The following MCF2L variants were observed in gnomAD, a reference collection of about 807,000 sequenced individuals.
The protein encoded by MCF2L is MCF.2 cell line derived transforming sequence like, also known as guanine nucleotide exchange factor DBS.
Under a neutral mutation model 153.4 loss-of-function variants are expected in MCF2L, and 97 were observed. That is an observed-to-expected ratio of 0.63 (90% confidence interval 0.54 to 0.75). MCF2L has a LOEUF of 0.75. Among genes scored for constraint, MCF2L ranks in the 30% least tolerant of loss-of-function variants. MCF2L has a pLI of 0.00. For missense variants in MCF2L, 1,347 were observed against 1,495.2 expected (o/e 0.90, Z 1.64); for synonymous variants, 659 against 632.2 (o/e 1.04, Z -0.64).
At chr13:113,009,353 C>T (rs1450408898) in intron 1 of MCF2L, 1 of 152,264 alleles carries the variant, frequency 6.6e-6, no homozygotes, top group African/African-American at 2.4e-5. Context: ...ATTTAAGTCA[C>T]TGTGTATGTG....
intron 3 of MCF2L, among the ~76,000 whole-genome samples, chr13:113,033,190 C>G (rs2085857643): frequency 7.1e-6 from 1 of 140,096 alleles, no homozygotes; most frequent in Non-Finnish European, 1.5e-5. Context: ...CGTGAGTGGA[C>G]CCCGTGACGT....
rs903545065 is a variant in MCF2L, at chr13:113,069,990, A to T, written c.882-69A>T. ...AGATGAGCCTTGGGGTCGCTTGAAC[A>T]CCCACCGCGCTCCACGTTGCATGGG... On this transcript the variant is annotated intron_variant, in intron 8 of 29. Transcript: ENST00000535094. The T allele has an allele frequency of 2.5e-4, 268 of 1,072,138 alleles. 1 individual carries two copies. The highest frequency in any genetic ancestry group is 2.5e-4 in the Non-Finnish European group (180 of 720,536). 66.4% of individuals were successfully genotyped at this position (1,072,138 alleles called of 1,614,324 possible).
intron 3 of MCF2L, chr13:113,026,927 C>T (rs555737287): frequency 1.2e-5 from 9 of 773,062 alleles, no homozygotes; most frequent in African/African-American, 6.8e-5. Flanking sequence ...GGAGGGGTGC[C>T]GCGGGGGTCT....
intron 1 of MCF2L, among the ~76,000 whole-genome samples, chr13:113,005,767 A>ACAGT (rs1289562924): frequency 6.6e-6 from 1 of 152,206 alleles, no homozygotes; most frequent in African/African-American, 2.4e-5. Flanking sequence ...GTGGGAGGTG[A>ACAGT]CAGTCAGTCA....
In MCF2L at chr13:113,045,384, C is replaced by T; in HGVS notation, c.369+23C>T. 6.3e-7 allele frequency: 1 copy of T among 1,599,316 alleles called. No homozygotes were observed. Among genetic ancestry groups the T allele is most frequent in the South Asian group, 1.1e-5 (1 of 90,800 alleles). Reference sequence around the variant, plus strand: ...GCAGTAAGTGCCACCCGGGGCTCTGCCCTGCGCCCGGCCCCTCCCTGGGCT... The same window carrying T: ...GCAGTAAGTGCCACCCGGGGCTCTGTCCTGCGCCCGGCCCCTCCCTGGGCT... On this transcript the variant is annotated intron_variant, in intron 4 of 29. Transcript: ENST00000535094. This position sits in a 1 kb window ranked among gnomAD's most constrained non-coding sequence, Gnocchi z 4.2.
At chr13:113,015,472 G>A (rs28405732) in intron 2 of MCF2L, among the ~76,000 whole-genome samples, 43,093 of 151,928 alleles carry the variant, frequency 0.28, 6,616 homozygotes, top group South Asian at 0.46. Context: ...CCCCGATGCC[G>A]AGGAGGGTGC....
intron 2 of MCF2L, among the ~76,000 whole-genome samples, chr13:112,920,541 C>T (rs761329315): frequency 5.3e-5 from 8 of 152,084 alleles, no homozygotes; most frequent in Non-Finnish European, 8.8e-5. Flanking sequence ...GACCCCAGAA[C>T]GCAGGACAGG....
At chr13:113,094,691 G>A (rs2035502254) in intron 27 of MCF2L, 56 bp downstream of exon 27, 1 of 1,564,928 alleles carries the variant, frequency 6.4e-7, no homozygotes, top group Non-Finnish European at 8.6e-7. Context: ...CGGGGATTAG[G>A]GGTGCTTCTG....
chr13:112,959,619 A>G (rs894859938), intron 2 of MCF2L, among the ~76,000 whole-genome samples: 7 of 152,180 alleles, frequency 4.6e-5, no homozygotes, highest in African/African-American at 1.4e-4. Flanking sequence ...CCATGTTTCC[A>G]TGCGTTTGAC....
At chr13:112,999,351 G>A (rs969316430) in intron 1 of MCF2L, among the ~76,000 whole-genome samples, 1 of 147,950 alleles carries the variant, frequency 6.8e-6, no homozygotes, top group Non-Finnish European at 1.5e-5. Context: ...GATTTCTCGG[G>A]GTCCTTGCAT....
chr13:112,920,403 G>T (rs74616802), intron 2 of MCF2L, among the ~76,000 whole-genome samples: 115 of 152,254 alleles, frequency 7.6e-4, no homozygotes, highest in Non-Finnish European at 1.4e-3. Flanking sequence ...GCGTGTTTGT[G>T]ATCAGTTATC....
Position 113,028,329 on chromosome 13 carries a change from G to A in MCF2L, c.278+3571G>A, listed in dbSNP as rs1179825388. 6.6e-6 allele frequency among the ~76,000 whole-genome samples: 1 copy of A among 152,126 alleles called. No individual in the cohort carries two copies. The highest frequency in any genetic ancestry group is 2.4e-5 in the African/African-American group (1 of 41,418). The stretch of plus-strand genomic sequence containing the variant: ...TCAAGGCCATAAGAGTGTGGTAGGC[G>A]GCACGTGTTCATGTGTGCACGCCTC... On this transcript the variant is annotated intron_variant, in intron 3 of 29. Transcript: ENST00000535094. The surrounding 1 kb of genome is among the most constrained non-coding windows in gnomAD (Gnocchi z 5.4).
At chr13:113,087,046 T>C (rs2034701220) in intron 21 of MCF2L, among the ~76,000 whole-genome samples, 189 bp from the exon 22 acceptor site, 1 of 152,092 alleles carries the variant, frequency 6.6e-6, no homozygotes, top group Non-Finnish European at 1.5e-5. Context: ...CGCCAGTCCA[T>C]CCCTCCTCCC....
chr13:113,091,669 C>T (rs1056550933), intron 26 of MCF2L, among the ~76,000 whole-genome samples: 4 of 151,828 alleles, frequency 2.6e-5, no homozygotes, highest in Admixed American at 6.6e-5. Flanking sequence ...GCTCCCTGTC[C>T]GACCCGGACC....
chr13:112,910,954 C>T (rs1436159459), intron 2 of MCF2L, among the ~76,000 whole-genome samples: 1 of 150,094 alleles, frequency 6.7e-6, no homozygotes, highest in Non-Finnish European at 1.5e-5. Context: ...TAAATGAAGC[C>T]GCAGCCAAAA....
rs573579003 is a variant in MCF2L, at chr13:112,932,407, G to C, written c.169+30036G>C. 6.6e-6 allele frequency among the ~76,000 whole-genome samples: 1 copy of C among 152,348 alleles called. No individual in the cohort carries two copies. The highest frequency in any genetic ancestry group is 1.9e-4 in the East Asian group (1 of 5,194). On this transcript the variant is annotated intron_variant, in intron 2 of 29. Coordinates refer to the MCF2L transcript ENST00000375608. The surrounding 1 kb of genome is among the most constrained non-coding windows in gnomAD (Gnocchi z 4.6). ...AGCTCTGAGAAGCTGTCACAGCCAA[G>C]AGGAGCTGAAGGAGACAGGATGACT...
At chr13:113,033,504 C>T (rs975627007) in intron 3 of MCF2L, among the ~76,000 whole-genome samples, 25 of 152,276 alleles carry the variant, frequency 1.6e-4, no homozygotes, top group East Asian at 3.9e-4. Flanking sequence ...GGCCTGTTCG[C>T]GGGCATTTCG....
chr13:113,075,325 C>T lies in MCF2L; in HGVS notation c.1308+136C>T. On this transcript the variant is annotated intron_variant, in intron 11 of 29. Coordinates refer to ENST00000535094, the MANE Select transcript of MCF2L (RefSeq NM_001112732.3). ...GAAAATGTCCTTGCACCCTTCGTTT[C>T]TGGTCTTGTTGGCCTAGAGGGTCTT... 11 of 702,168 alleles carry T rather than the reference C, an allele frequency of 1.6e-5. No homozygotes were observed. In the South Asian group the frequency reaches 2.7e-4, roughly 17 times the overall value. The allele number at this position is 702,168 out of a possible 1,614,324, so 43.5% of individuals were successfully genotyped here.
intron 3 of MCF2L, among the ~76,000 whole-genome samples, chr13:113,029,068 G>T (rs2085485938): frequency 6.6e-6 from 1 of 152,154 alleles, no homozygotes; most frequent in Non-Finnish European, 1.5e-5. Context: ...TCTCATCAGT[G>T]TCAGACCCAA....
Sources: allele counts gnomAD v4.1 joint callset (sites outside exome capture counted in the v4.1 genomes callset), GRCh38; gene constraint gnomAD v4.1.1; non-coding constraint Gnocchi (gnomAD v3.1); transcripts MANE v1.5; gene names NCBI Gene and HGNC (gene_info 2026-07-23, HGNC 2026-07-21).